GAPVD1: variants seen among roughly 807,000 people sequenced by gnomAD.
GAPVD1 encodes the protein GTPase activating protein and VPS9 domains 1, also known as GTPase-activating protein and VPS9 domain-containing protein 1.
In GAPVD1, 35 loss-of-function variants were observed where a neutral mutation model predicts 155.5. The ratio of observed to expected loss-of-function variants is 0.23; its 90% CI spans 0.17 to 0.30. The LOEUF (loss-of-function observed/expected upper bound fraction) is 0.30, where lower values mean the gene tolerates loss of function less well. Ranked by LOEUF, GAPVD1 falls within the 10% of genes least tolerant of loss-of-function variation. The pLI, the probability that GAPVD1 is intolerant of heterozygous loss-of-function variation, is 1.00. For synonymous variants in GAPVD1, 636 were observed against 619.7 expected (o/e 1.03, Z -0.39); for missense variants, 1,429 against 1,775.7 (o/e 0.80, Z 3.51).
rs149574172 is a variant in GAPVD1 at position 125,270,665 on chromosome 9, C to T, written c.-150+1681C>T. ...ATATATATAAGTGAATGGTTGAGGC[C>T]GGGCGCAGTGGCTCACGCCTGTAAT... On this transcript the variant is annotated intron_variant, in intron 2 of 27. Transcript: ENST00000297933. Among the ~76,000 whole-genome samples the T allele has an allele frequency of 5.8e-3, 877 of 151,962 alleles. 14 individuals are homozygous for T. The highest frequency in any genetic ancestry group is 0.02 in the African/African-American group (819 of 41,486).
At chr9:125,319,874 C>G (rs1172600422) in intron 9 of GAPVD1, among the ~76,000 whole-genome samples, 2 of 152,150 alleles carry the variant, frequency 1.3e-5, no homozygotes, top group African/African-American at 2.4e-5. Context: ...GGGTTACAGG[C>G]ATGAGCCGCC....
chr9:125,269,307 C>T (rs1352532199), intron 2 of GAPVD1, among the ~76,000 whole-genome samples: 1 of 151,538 alleles, frequency 6.6e-6, no homozygotes, highest in Non-Finnish European at 1.5e-5. Flanking sequence ...TTTTTTTTTC[C>T]TTCAACTTTT....
chr9:125,312,549 G>C lies in GAPVD1; in HGVS notation c.1539G>C (p.Glu513Asp). 6.2e-7 allele frequency: 1 copy of C among 1,610,338 alleles called. No individual in the cohort carries two copies. The highest frequency in any genetic ancestry group is 8.5e-7 in the Non-Finnish European group (1 of 1,178,622). ...CCATTCAGGAGGTGCAACCAGAAGA[G>C]GTGTTGGTCATTTCCTTAGGTACAG... ...QETIQEVQPE[E>D]VLVISLGTGP... The change falls in exon 9 of 28, where the codon GAG (glutamate) becomes GAC (aspartate). Residue 513 changes from glutamate (E) to aspartate (D), a missense_variant. By Grantham distance (45) the Glu-to-Asp change is conservative (BLOSUM62 2). Transcript: ENST00000297933.
chr9:125,272,369 T>A (rs1241382897), intron 2 of GAPVD1, among the ~76,000 whole-genome samples: 1 of 152,204 alleles, frequency 6.6e-6, no homozygotes, highest in Non-Finnish European at 1.5e-5. Flanking sequence ...CTTTACTAAC[T>A]CCTTTGGAAC....
intron 9 of GAPVD1, among the ~76,000 whole-genome samples, chr9:125,319,789 T>C (rs1265609096): frequency 6.6e-6 from 1 of 151,806 alleles, no homozygotes; most frequent in African/African-American, 2.4e-5. Flanking sequence ...TTAGTAGAGA[T>C]GGGATTTTGC....
chr9:125,288,224 G>A (rs1234214729), intron 2 of GAPVD1, among the ~76,000 whole-genome samples: 2 of 150,876 alleles, frequency 1.3e-5, no homozygotes, highest in African/African-American at 4.9e-5. Context: ...CGATTCTCCT[G>A]CCTCAGCCTC....
chr9:125,325,539 A>AAC (rs71374252), intron 11 of GAPVD1, among the ~76,000 whole-genome samples: 2,269 of 149,050 alleles, frequency 0.015, 24 homozygotes, highest in Non-Finnish European at 0.023. Context: ...AAAAAAAAAA[A>AAC]GATGATGCCC....
chr9:125,350,214 C>A, intron 21 of GAPVD1, 81 bp from the exon 22 acceptor site: 1 of 809,376 alleles, frequency 1.2e-6, no homozygotes, highest in Non-Finnish European at 2.0e-6. Context: ...CCTAAGGTAA[C>A]ATTAATTTAT....
At chr9:125,328,154 T>G (rs1017527116) in intron 12 of GAPVD1, among the ~76,000 whole-genome samples, 18 of 152,002 alleles carry the variant, frequency 1.2e-4, no homozygotes, top group East Asian at 1.9e-4. Flanking sequence ...TTTAATACTT[T>G]CGATTTGTAT....
At chr9:125,336,536 C>T (rs1244145503) in intron 15 of GAPVD1, among the ~76,000 whole-genome samples, 1 of 152,074 alleles carries the variant, frequency 6.6e-6, no homozygotes, top group Non-Finnish European at 1.5e-5. Context: ...TTTGTAGAGA[C>T]CAGGTCTCAC....
At chr9:125,278,686 T>G (rs1014892765) in intron 2 of GAPVD1, among the ~76,000 whole-genome samples, 1 of 151,708 alleles carries the variant, frequency 6.6e-6, no homozygotes, top group Admixed American at 6.6e-5. Flanking sequence ...AATACAAACA[T>G]TAGCTGGATG....
intron 6 of GAPVD1, among the ~76,000 whole-genome samples, chr9:125,306,265 G>A (rs1387214700): frequency 6.6e-6 from 1 of 152,004 alleles, no homozygotes; most frequent in Non-Finnish European, 1.5e-5. Flanking sequence ...CCAGGTTCAA[G>A]CAATTCTCCT....
At chr9:125,289,215 A>T (rs954272062) in intron 2 of GAPVD1, among the ~76,000 whole-genome samples, 2 of 152,146 alleles carry the variant, frequency 1.3e-5, no homozygotes, top group Non-Finnish European at 2.9e-5. Context: ...AGGAGAGGTA[A>T]GGTGGTGAGG....
chr9:125,269,392 A>T (rs866608907), intron 2 of GAPVD1, among the ~76,000 whole-genome samples: 9 of 151,986 alleles, frequency 5.9e-5, no homozygotes, highest in Middle Eastern at 3.4e-3. Context: ...GATTTCAGTT[A>T]TGTATTTTTT....
chr9:125,328,128 C>T (rs1588969940), intron 12 of GAPVD1, among the ~76,000 whole-genome samples: 1 of 149,848 alleles, frequency 6.7e-6, no homozygotes, highest in African/African-American at 2.4e-5. Flanking sequence ...GTTTTTAACA[C>T]AGACGTATAA....
intron 1 of GAPVD1, among the ~76,000 whole-genome samples, chr9:125,266,444 G>A (rs1303344881): frequency 6.6e-6 from 1 of 151,522 alleles, no homozygotes; most frequent in East Asian, 2.0e-4. Flanking sequence ...CTCCCAAGTA[G>A]CTGGGACTAC....
intron 19 of GAPVD1, among the ~76,000 whole-genome samples, chr9:125,344,130 T>A (rs1323230157): frequency 6.6e-6 from 1 of 152,214 alleles, no homozygotes; most frequent in Non-Finnish European, 1.5e-5. Context: ...CAGTCCTTAT[T>A]AATGACTCAT....
At position 125,354,565 on chromosome 9, in the gene GAPVD1, T is replaced by A. The variant is rs138964534; in HGVS notation, c.3570-89T>A. On this transcript the variant is annotated intron_variant, in intron 23 of 27. Coordinates refer to ENST00000297933, the MANE Select transcript of GAPVD1 (RefSeq NM_001282680.3). ...TTTGTAAAACCAGTCTGTGCAGTAA[T>A]TTTTCTAAAGAAAAGTTAGGACCCT... is the stretch of plus-strand genomic sequence containing the variant. 6,162 of 818,098 alleles carry A rather than the reference T, an allele frequency of 7.5e-3. 88 individuals carry two copies. Among genetic ancestry groups the A allele is most frequent in the South Asian group, 0.033 (1,940 of 58,744 alleles). The allele number at this position is 818,098 out of a possible 1,614,324, so 50.7% of individuals were successfully genotyped here. A position where few individuals can be genotyped will look rare whatever the true frequency, so the allele number is the denominator to read the frequency against.
At chr9:125,264,351 C>T (rs925369787) in intron 1 of GAPVD1, among the ~76,000 whole-genome samples, 7 of 152,066 alleles carry the variant, frequency 4.6e-5, no homozygotes, top group African/African-American at 7.2e-5. Context: ...CCAGCCACCA[C>T]GCCTGGATAA....
Sources: gnomAD v4.1 joint callset for allele counts (sites outside exome capture counted in the v4.1 genomes callset) on GRCh38, gnomAD v4.1.1 for gene constraint, MANE v1.5 for transcripts, NCBI Gene and HGNC (gene_info 2026-07-23, HGNC 2026-07-21) for gene names.